The following ARHGAP17 variants were observed in gnomAD, a reference collection of about 807,000 sequenced individuals.
ARHGAP17 encodes rho GTPase-activating protein 17.
ARHGAP17 carries 57 observed loss-of-function variants against 99.5 expected under a neutral mutation model. That is an observed-to-expected ratio of 0.57 (90% CI 0.46 to 0.71). ARHGAP17 has a LOEUF of 0.71. ARHGAP17 is among the 30% of genes least tolerant of loss of function. The pLI is 0.00. For missense variants in ARHGAP17, 1,000 were observed against 1,122.4 expected, an observed-to-expected ratio of 0.89 and a Z score of 1.56; for synonymous variants, 417 against 429.6, an observed-to-expected ratio of 0.97 and a Z score of 0.36.
chr16:24,946,710 C>T (rs905520150), intron 14 of ARHGAP17, among the ~76,000 whole-genome samples: 5 of 152,126 alleles, frequency 3.3e-5, no homozygotes, highest in African/African-American at 4.8e-5. Flanking sequence ...ACACCAGGGA[C>T]GGGGAGGCAA....
intron 15 of ARHGAP17, among the ~76,000 whole-genome samples, chr16:24,942,474 A>G (rs1246610590): frequency 6.6e-6 from 1 of 152,240 alleles, no homozygotes; most frequent in Non-Finnish European, 1.5e-5. Flanking sequence ...ATCATTCAAA[A>G]AGAGACATTT....
chr16:25,000,732 T>C (rs2053338763), intron 1 of ARHGAP17, among the ~76,000 whole-genome samples: 1 of 152,230 alleles, frequency 6.6e-6, no homozygotes, highest in Non-Finnish European at 1.5e-5. Flanking sequence ...ATACGCTCCA[T>C]TAAAACTCCT....
chr16:24,920,474 C>T lies in ARHGAP17; in HGVS notation c.2516-214G>A, dbSNP rs191330174. 28 of 523,500 alleles carry T rather than the reference C, an allele frequency of 5.3e-5. 1 individual carries two copies. The highest frequency in any genetic ancestry group is 3.1e-4 in the African/African-American group (16 of 52,414). 32.4% of individuals were successfully genotyped at this position (523,500 alleles called of 1,614,324 possible). A position where few individuals can be genotyped will look rare whatever the true frequency, so the allele number is the denominator to read the frequency against. On this transcript the variant is annotated intron_variant, in intron 19 of 19. Coordinates refer to ENST00000289968, the MANE Select transcript of ARHGAP17 (RefSeq NM_001006634.3). ...GTAGCACAGCCTTGCCTCTGGGCTC[C>T]GACGTTGCTTGCTATGAGCCCGGAG...
intron 1 of ARHGAP17, among the ~76,000 whole-genome samples, chr16:25,012,119 T>C (rs1303001940): frequency 3.3e-5 from 5 of 152,200 alleles, no homozygotes; most frequent in Non-Finnish European, 1.5e-5. Flanking sequence ...GGACACAGTG[T>C]AGGCTCAACA....
intron 1 of ARHGAP17, among the ~76,000 whole-genome samples, chr16:24,991,440 C>A (rs139488218): frequency 8.5e-5 from 13 of 152,330 alleles, no homozygotes; most frequent in African/African-American, 3.1e-4. Flanking sequence ...GTTCTAGCTT[C>A]TCTCTGGAAG....
chr16:24,935,357 T>C, intron 18 of ARHGAP17, 113 bp downstream of exon 18: 1 of 1,272,558 alleles, frequency 7.9e-7, no homozygotes. Flanking sequence ...CTTGGGATTT[T>C]ACAACAGACA....
intron 7 of ARHGAP17, among the ~76,000 whole-genome samples, chr16:24,962,871 GTTAT>G (rs1390531373): frequency 1.3e-5 from 2 of 152,350 alleles, no homozygotes; most frequent in Admixed American, 6.5e-5. Flanking sequence ...AAAACTCAGT[GTTAT>G]TTGAGTAGCA....
chr16:24,980,753 C>T (rs1027476739), intron 1 of ARHGAP17, among the ~76,000 whole-genome samples: 6 of 152,112 alleles, frequency 3.9e-5, no homozygotes, highest in African/African-American at 1.4e-4. Flanking sequence ...CTCGCCAATG[C>T]CTCATCCCTC....
rs372076867 is a variant in ARHGAP17, at chr16:25,011,123, C to A, written c.53+4086G>T. ...CCCCAAAAACACCATTGGTGATGAT[C>A]TGCATCTAAGGGTTTTCAAGAAACA... On this transcript the variant is annotated intron_variant, in intron 1 of 19. Transcript: ENST00000289968. Among the ~76,000 whole-genome samples the A allele has an allele frequency of 5.1e-4, 78 of 152,330 alleles. 1 individual carries two copies. In the South Asian group the frequency reaches 0.016, roughly 32 times the overall value.
intron 1 of ARHGAP17, among the ~76,000 whole-genome samples, chr16:25,010,616 T>C (rs1468329755): frequency 1.3e-5 from 2 of 152,264 alleles, no homozygotes; most frequent in African/African-American, 4.8e-5. Context: ...TGTCAATTTC[T>C]GAGTCCTTCT....
chr16:24,935,523 G>C lies in ARHGAP17; in HGVS notation c.1841C>G (p.Ser614Cys), dbSNP rs779189810. 1.2e-6 allele frequency: 2 copies of C among 1,613,260 alleles called. No individual in the cohort carries two copies. The highest frequency in any genetic ancestry group is 2.2e-5 in the South Asian group (2 of 90,902). Residue 614 changes from serine to cysteine, a missense_variant, in exon 18 of 20, where the codon TCC becomes TGC. Physicochemically the swap from Ser to Cys is moderately radical, Grantham distance 112 (BLOSUM62 -1). This residue lies in a region of ARHGAP17 where 528 missense variants were observed against 511.4 expected (regional missense o/e 1.03). Coordinates refer to ENST00000289968, the MANE Select transcript of ARHGAP17 (RefSeq NM_001006634.3). The part of the protein sequence containing the change: ...PQAAAGSHQL[S>C]MGQPHNAAGP... Reference sequence around the variant, plus strand: ...TGCAGCATTGTGAGGTTGGCCCATGGAGAGCTGGTGGGAGCCAGCAGCTGC... The same window carrying C: ...TGCAGCATTGTGAGGTTGGCCCATGCAGAGCTGGTGGGAGCCAGCAGCTGC...
chr16:24,970,466 A>C, intron 4 of ARHGAP17, 41 bp downstream of exon 4: 1 of 1,591,572 alleles, frequency 6.3e-7, no homozygotes, highest in African/African-American at 1.3e-5. Flanking sequence ...ACTTCCACCA[A>C]TCTACATGGC....
At chr16:24,977,464 G>A (rs2141352934) in intron 2 of ARHGAP17, 145 bp from the exon 3 acceptor site, 1 of 563,444 alleles carries the variant, frequency 1.8e-6, no homozygotes, top group Non-Finnish European at 3.0e-6. Context: ...AGTGGCGCCA[G>A]TCAGTTTACA....
rs1477130452 is a variant in ARHGAP17, at chr16:24,982,984, ATATATATATATATTTTTTTTTTT to A, written c.54-4002_54-3980del. ...ATAAATCATATATATATATATATAT[ATATATATATATATTTTTTTTTTT>A]TTTTTTTTTTTTTTTGAGACAGGGT... On this transcript the variant is annotated intron_variant, in intron 1 of 19. Transcript: ENST00000289968. Among the ~76,000 whole-genome samples, 42 of 28,024 alleles carry A rather than the reference ATATATATATATATTTTTTTTTTT, an allele frequency of 1.5e-3. No individual in the cohort carries two copies. In the East Asian group the frequency reaches 0.017, roughly 12 times the overall value. The allele number at this position is 28,024 out of a possible 152,430, so 18.4% of individuals were successfully genotyped here. A position where few individuals can be genotyped will look rare whatever the true frequency, so the allele number is the denominator to read the frequency against.
intron 4 of ARHGAP17, among the ~76,000 whole-genome samples, chr16:24,969,885 G>C (rs1244234825): frequency 6.6e-6 from 1 of 152,202 alleles, no homozygotes; most frequent in Non-Finnish European, 1.5e-5. Context: ...AAGTCTGAAG[G>C]CCTCGTCCTG....
intron 6 of ARHGAP17, among the ~76,000 whole-genome samples, chr16:24,965,820 G>A (rs4238911): frequency 0.056 from 8,477 of 152,278 alleles, 337 homozygotes; most frequent in Middle Eastern, 0.13. Flanking sequence ...GAGGAAAAGC[G>A]AGAAAAATAT....
intron 1 of ARHGAP17, among the ~76,000 whole-genome samples, chr16:25,008,138 G>A (rs2053554655): frequency 6.6e-6 from 1 of 152,120 alleles, no homozygotes; most frequent in African/African-American, 2.4e-5. Context: ...ATAACTAAAA[G>A]TAAGACAAGT....
intron 1 of ARHGAP17, among the ~76,000 whole-genome samples, chr16:25,005,865 C>T (rs2053491562): frequency 1.3e-5 from 2 of 152,200 alleles, no homozygotes; most frequent in African/African-American, 4.8e-5. Flanking sequence ...TAATGACACA[C>T]ATTATTGCGC....
At chr16:24,940,729 G>A (rs899444896) in intron 16 of ARHGAP17, among the ~76,000 whole-genome samples, 3 of 152,086 alleles carry the variant, frequency 2.0e-5, no homozygotes, top group Non-Finnish European at 2.9e-5. Flanking sequence ...GGAAAAAGCC[G>A]TTGCTTTGGG....
Sources: allele counts gnomAD v4.1 joint callset (sites outside exome capture counted in the v4.1 genomes callset), GRCh38; gene constraint gnomAD v4.1.1; regional missense constraint gnomAD v4.1.1; transcripts MANE v1.5; gene names NCBI Gene and HGNC (gene_info 2026-07-23, HGNC 2026-07-21).